Variants in LTBP1 observed in about 807,000 individuals in gnomAD.
The protein encoded by LTBP1 is latent-transforming growth factor beta-binding protein 1.
LTBP1 carries 129 observed loss-of-function variants against 207.6 expected under a neutral mutation model. The observed-to-expected ratio is 0.62, with a 90% CI of 0.54 to 0.72. LTBP1 has a LOEUF of 0.72. LTBP1 is among the 30% of genes least tolerant of loss of function. The probability of loss-of-function intolerance (pLI) is 0.00; values close to 1 mark genes in which losing one functional copy is unlikely to be tolerated. For synonymous variants in LTBP1, 963 were observed against 833.7 expected (o/e 1.16, Z -2.67); for missense variants, 2,281 against 2,217.2 (o/e 1.03, Z -0.58).
At chr2:33,099,774 A>T (rs1156829159) in intron 3 of LTBP1, among the ~76,000 whole-genome samples, 2 of 152,052 alleles carry the variant, frequency 1.3e-5, no homozygotes, top group Non-Finnish European at 2.9e-5. Flanking sequence ...TACCCATTGG[A>T]TTTATCCTTG....
At chr2:32,962,075 TG>T (rs1303374782) in intron 2 of LTBP1, among the ~76,000 whole-genome samples, 3 of 152,196 alleles carry the variant, frequency 2.0e-5, no homozygotes, top group African/African-American at 7.2e-5. Flanking sequence ...TTTCTTGTCT[TG>T]AAAAATGGAA....
chr2:33,345,961 C>T (rs1264103935), intron 25 of LTBP1, among the ~76,000 whole-genome samples: 2 of 152,162 alleles, frequency 1.3e-5, no homozygotes, highest in Non-Finnish European at 2.9e-5. Context: ...TATGGGACAA[C>T]ATCAAACATA....
intron 7 of LTBP1, among the ~76,000 whole-genome samples, chr2:33,193,612 A>G (rs542284128): frequency 5.0e-4 from 76 of 152,224 alleles, no homozygotes; most frequent in Non-Finnish European, 8.1e-4. Context: ...CCTTGCTTAT[A>G]GGCAAGCAAG....
intron 7 of LTBP1, among the ~76,000 whole-genome samples, chr2:33,211,174 G>T (rs926099037): frequency 4.6e-5 from 7 of 152,150 alleles, no homozygotes; most frequent in Non-Finnish European, 1.0e-4. Flanking sequence ...TAAGTAGTAG[G>T]TTCCTGACAT....
At chr2:33,124,564 G>A (rs1327460875) in intron 4 of LTBP1, among the ~76,000 whole-genome samples, 1 of 152,204 alleles carries the variant, frequency 6.6e-6, no homozygotes, top group Non-Finnish European at 1.5e-5. Context: ...GTAGAATCTT[G>A]CTTTATTCTA....
At chr2:33,263,014 T>G (rs559432211) in intron 14 of LTBP1, among the ~76,000 whole-genome samples, 193 bp downstream of exon 14, 2 of 115,946 alleles carry the variant, frequency 1.7e-5, no homozygotes, top group Non-Finnish European at 1.8e-5. Flanking sequence ...AAAGATAGGT[T>G]TTTTTTTTTT....
In LTBP1 at chr2:33,134,729, G is replaced by C. The variant is rs756455962; in HGVS notation, c.1034-64G>C. The C allele has an allele frequency of 6.2e-6, 10 of 1,613,134 alleles. No individual in the cohort carries two copies. Among genetic ancestry groups the C allele is most frequent in the Non-Finnish European group, 8.5e-6 (10 of 1,179,744 alleles). ...TTTTCTGTTTTTTTAAACCTTCCAAGGCAAGTTCATGGATACTAAGCTGAT... is the reference window on the plus strand; with the variant it reads ...TTTTCTGTTTTTTTAAACCTTCCAACGCAAGTTCATGGATACTAAGCTGAT... On this transcript the variant is annotated intron_variant, in intron 4 of 33. Transcript: ENST00000404816. The surrounding 1 kb of genome is among the most constrained non-coding windows in gnomAD (Gnocchi z 4.4).
intron 13 of LTBP1, among the ~76,000 whole-genome samples, chr2:33,261,126 C>T (rs565184955): frequency 6.6e-6 from 1 of 152,120 alleles, no homozygotes; most frequent in African/African-American, 2.4e-5. Flanking sequence ...CTTTGGAAGG[C>T]TTAGAGTACC....
At chr2:32,976,068 A>G (rs1681729321) in intron 2 of LTBP1, among the ~76,000 whole-genome samples, 1 of 152,006 alleles carries the variant, frequency 6.6e-6, no homozygotes, top group Non-Finnish European at 1.5e-5. Context: ...TGTCCTCTGG[A>G]TGAGTTTTTT....
At chr2:33,069,665 C>T (rs1410210960) in intron 3 of LTBP1, among the ~76,000 whole-genome samples, 1 of 152,244 alleles carries the variant, frequency 6.6e-6, no homozygotes, top group Admixed American at 6.5e-5. Context: ...GACCAGTTAT[C>T]TGCTCACAAA....
intron 18 of LTBP1, among the ~76,000 whole-genome samples, chr2:33,279,230 A>G (rs2093507904): frequency 6.6e-6 from 1 of 152,166 alleles, no homozygotes; most frequent in South Asian, 2.1e-4. Context: ...GTTAACACTT[A>G]TTTTAAACTG....
chr2:33,342,746 G>A (rs541325444), intron 24 of LTBP1, 92 bp from the exon 25 acceptor site: 3 of 1,262,022 alleles, frequency 2.4e-6, no homozygotes, highest in East Asian at 2.3e-5. Context: ...ACACTAATCA[G>A]GATGTGTTGA....
rs1168905275 is a variant in LTBP1 at position 33,263,621 on chromosome 2, G to C, written c.2617+229G>C. On this transcript the variant is annotated intron_variant, in intron 15 of 33. Coordinates refer to ENST00000404816, the MANE Select transcript of LTBP1 (RefSeq NM_206943.4). ...ATTAAAATAATGTTTGAAAAGAGTAGTTAATATCATGAGGAAATATGGCAT... is the reference window on the plus strand; with the variant it reads ...ATTAAAATAATGTTTGAAAAGAGTACTTAATATCATGAGGAAATATGGCAT... Among the ~76,000 whole-genome samples, 3 of 152,184 alleles carry C rather than the reference G, an allele frequency of 2.0e-5. No homozygotes were observed. In the East Asian group the frequency reaches 5.8e-4, roughly 29 times the overall value.
intron 3 of LTBP1, among the ~76,000 whole-genome samples, chr2:33,099,655 A>G (rs1164784656): frequency 6.6e-6 from 1 of 152,164 alleles, no homozygotes; most frequent in Non-Finnish European, 1.5e-5. Context: ...GGGCAGATGG[A>G]TGATTTGAGT....
rs1178865558 is a variant in LTBP1 at position 33,177,490 on chromosome 2, A to C, written c.1202-9366A>C. ...CATGGTGAAACCCTGTTTAGTACAT[A>C]ATTTTTGTATGTACTAAAAATACAA... On this transcript the variant is annotated intron_variant, in intron 5 of 33. Coordinates refer to ENST00000404816, the MANE Select transcript of LTBP1 (RefSeq NM_206943.4). 3.9e-5 allele frequency among the ~76,000 whole-genome samples: 6 copies of C among 152,272 alleles called. No homozygotes were observed. In the East Asian group the frequency reaches 7.7e-4, roughly 20 times the overall value.
At chr2:33,197,500 C>A (rs2088693841) in intron 7 of LTBP1, among the ~76,000 whole-genome samples, 1 of 152,094 alleles carries the variant, frequency 6.6e-6, no homozygotes, top group Non-Finnish European at 1.5e-5. Context: ...CAGAAAATAC[C>A]CCTCCAATTT....
At chr2:33,120,174 A>G (rs894179591) in intron 4 of LTBP1, among the ~76,000 whole-genome samples, 1 of 152,170 alleles carries the variant, frequency 6.6e-6, no homozygotes, top group Non-Finnish European at 1.5e-5. Context: ...ATATTCAATC[A>G]AGTATATATG....
intron 7 of LTBP1, among the ~76,000 whole-genome samples, chr2:33,193,170 C>T (rs763231795): frequency 3.3e-5 from 5 of 152,074 alleles, no homozygotes; most frequent in Non-Finnish European, 4.4e-5. Flanking sequence ...GAGATGGAGT[C>T]TCTCACTCTG....
intron 5 of LTBP1, among the ~76,000 whole-genome samples, chr2:33,173,986 G>T: frequency 7.5e-6 from 1 of 134,104 alleles, no homozygotes; most frequent in African/African-American, 2.6e-5. Flanking sequence ...CAATAAATTA[G>T]GTATTGATGG....
Sources: allele counts gnomAD v4.1 joint callset (sites outside exome capture counted in the v4.1 genomes callset), GRCh38; gene constraint gnomAD v4.1.1; non-coding constraint Gnocchi (gnomAD v3.1); transcripts MANE v1.5; gene names NCBI Gene and HGNC (gene_info 2026-07-23, HGNC 2026-07-21).